The following SUCLA2 variants were observed in gnomAD, a reference collection of about 807,000 sequenced individuals.
SUCLA2 encodes succinate-CoA ligase ADP-forming subunit beta, also known as succinate--CoA ligase [ADP-forming] subunit beta, mitochondrial.
SUCLA2 carries 30 observed loss-of-function variants against 54.8 expected under a neutral mutation model. The ratio of observed to expected loss-of-function variants is 0.55; its 90% CI spans 0.41 to 0.74. The LOEUF (loss-of-function observed/expected upper bound fraction) is 0.74, where lower values mean the gene tolerates loss of function less well. Among genes scored for constraint, SUCLA2 ranks in the 30% least tolerant of loss-of-function variants. The pLI is 0.00. For synonymous variants in SUCLA2, 172 were observed against 188.9 expected (o/e 0.91, Z 0.74); for missense variants, 476 against 562.9 (o/e 0.85, Z 1.56).
chr13:47,966,396 C>T (rs1949918328), intron 6 of SUCLA2, among the ~76,000 whole-genome samples: 2 of 152,118 alleles, frequency 1.3e-5, no homozygotes, highest in South Asian at 4.2e-4. Context: ...ATTGGCAATT[C>T]TTATCCTTTT....
At chr13:47,984,012 T>C (rs972398171) in intron 4 of SUCLA2, among the ~76,000 whole-genome samples, 2 of 152,114 alleles carry the variant, frequency 1.3e-5, no homozygotes, top group African/African-American at 4.8e-5. Context: ...AGAAACCAAC[T>C]TGCATGGGTA....
chr13:47,981,968 T>C (rs1950063704), intron 4 of SUCLA2, among the ~76,000 whole-genome samples: 2 of 152,038 alleles, frequency 1.3e-5, no homozygotes, highest in African/African-American at 4.8e-5. Flanking sequence ...CTGGGAGACA[T>C]AGCGAGACTC....
intron 10 of SUCLA2, among the ~76,000 whole-genome samples, chr13:47,948,463 T>C (rs111686588): frequency 0.063 from 9,551 of 152,178 alleles, 354 homozygotes; most frequent in Middle Eastern, 0.092. Flanking sequence ...CAAGCAATCC[T>C]CCTGCCTCAG....
intron 10 of SUCLA2, among the ~76,000 whole-genome samples, chr13:47,948,374 T>C (rs1477756038): frequency 2.0e-5 from 3 of 151,584 alleles, no homozygotes; most frequent in Admixed American, 6.6e-5. Context: ...CATGTGTGTG[T>C]GCGTGCATGT....
At chr13:47,976,379 T>C (rs925479557) in intron 4 of SUCLA2, among the ~76,000 whole-genome samples, 1 of 151,980 alleles carries the variant, frequency 6.6e-6, no homozygotes, top group Non-Finnish European at 1.5e-5. Flanking sequence ...CCCCCACCAC[T>C]CCAAACTAAC....
intron 2 of SUCLA2, among the ~76,000 whole-genome samples, chr13:47,995,195 AT>A (rs869216476): frequency 1.3e-5 from 2 of 151,732 alleles, no homozygotes; most frequent in East Asian, 1.9e-4. Context: ...TCTAAAAAAA[AT>A]TTTTTTTTGG....
intron 9 of SUCLA2, 105 bp downstream of exon 9, chr13:47,949,378 T>A: frequency 7.5e-7 from 1 of 1,335,688 alleles, no homozygotes; most frequent in Non-Finnish European, 1.1e-6. Context: ...TATAATGCTT[T>A]CAAAGACACA....
intron 6 of SUCLA2, among the ~76,000 whole-genome samples, chr13:47,966,587 C>G (rs1949920415): frequency 6.7e-6 from 1 of 149,670 alleles, no homozygotes; most frequent in Non-Finnish European, 1.5e-5. Context: ...TATTAAGAAA[C>G]TGACCCCTTT....
chr13:47,943,826 T>C (rs577340341), intron 10 of SUCLA2, among the ~76,000 whole-genome samples: 1 of 150,228 alleles, frequency 6.7e-6, no homozygotes, highest in East Asian at 2.0e-4. Flanking sequence ...AGTGTCTTTG[T>C]TGGATACTCC....
intron 6 of SUCLA2, among the ~76,000 whole-genome samples, chr13:47,955,348 T>C (rs1351460649): frequency 6.6e-6 from 1 of 152,058 alleles, no homozygotes; most frequent in East Asian, 1.9e-4. Context: ...AATACAGGCA[T>C]GCACCACAAC....
chr13:47,958,311 T>C lies in SUCLA2; in HGVS notation c.803-3754A>G, dbSNP rs555035761. 4.6e-5 allele frequency among the ~76,000 whole-genome samples: 7 copies of C among 152,324 alleles called. No individual in the cohort carries two copies. In the East Asian group the frequency reaches 5.8e-4, roughly 13 times the overall value. On this transcript the variant is annotated intron_variant, in intron 6 of 10. Coordinates refer to ENST00000646932, the MANE Select transcript of SUCLA2 (RefSeq NM_003850.3). Reference sequence around the variant, plus strand: ...TCAGTGAGTTTGTATTGCTATCTCATGGCTAGAGTTCCAAGGTAAACACTA... The same window carrying C: ...TCAGTGAGTTTGTATTGCTATCTCACGGCTAGAGTTCCAAGGTAAACACTA...
intron 8 of SUCLA2, among the ~76,000 whole-genome samples, chr13:47,952,619 A>C (rs1471406433): frequency 6.6e-6 from 1 of 152,072 alleles, no homozygotes; most frequent in Non-Finnish European, 1.5e-5. Context: ...AAATGAATTT[A>C]ATGACCCTAT....
At chr13:47,985,393 C>G (rs1222125330) in intron 4 of SUCLA2, among the ~76,000 whole-genome samples, 1 of 151,834 alleles carries the variant, frequency 6.6e-6, no homozygotes, top group African/African-American at 2.4e-5. Context: ...CTCCCTCCAC[C>G]CCCACCCCGA....
At chr13:47,992,388 CAA>C (rs35103136) in intron 2 of SUCLA2, among the ~76,000 whole-genome samples, 57,539 of 94,214 alleles carry the variant, frequency 0.61, 16,066 homozygotes, top group East Asian at 0.76. Flanking sequence ...ACAACGAAAG[CAA>C]AAAAAAAAAA....
intron 4 of SUCLA2, 43 bp from the exon 5 acceptor site, chr13:47,973,435 G>A (rs117280202): frequency 1.9e-5 from 30 of 1,606,244 alleles, no homozygotes; most frequent in Non-Finnish European, 2.5e-5. Context: ...ATTTATTTTA[G>A]ACTCATCAAT....
At chr13:47,959,977 G>A (rs1430099375) in intron 6 of SUCLA2, among the ~76,000 whole-genome samples, 2 of 152,100 alleles carry the variant, frequency 1.3e-5, no homozygotes, top group African/African-American at 4.8e-5. Flanking sequence ...TGGGCCTAGA[G>A]TGAATTTCTT....
chr13:47,979,985 G>A (rs1950048098), intron 4 of SUCLA2, among the ~76,000 whole-genome samples: 1 of 152,194 alleles, frequency 6.6e-6, no homozygotes, highest in African/African-American at 2.4e-5. Context: ...TACAGTAACA[G>A]TGAACAATGT....
intron 6 of SUCLA2, among the ~76,000 whole-genome samples, chr13:47,960,757 A>G (rs984964949): frequency 6.6e-6 from 1 of 152,188 alleles, no homozygotes; most frequent in African/African-American, 2.4e-5. Flanking sequence ...GAAGTTTATC[A>G]ATGATGGGCT....
At chr13:47,969,061 A>G (rs539107897) in intron 5 of SUCLA2, among the ~76,000 whole-genome samples, 5 of 152,340 alleles carry the variant, frequency 3.3e-5, no homozygotes, top group Admixed American at 2.6e-4. Flanking sequence ...GAAGAGGTTT[A>G]TATTTTATTA....
Sources: gnomAD v4.1 joint callset for allele counts (sites outside exome capture counted in the v4.1 genomes callset) on GRCh38, gnomAD v4.1.1 for gene constraint, MANE v1.5 for transcripts, NCBI Gene and HGNC (gene_info 2026-07-23, HGNC 2026-07-21) for gene names.